SFMBT2: variants seen among roughly 807,000 people sequenced by gnomAD.
The protein encoded by SFMBT2 is Scm like with four mbt domains 2.
Under a neutral mutation model 110.1 loss-of-function variants are expected in SFMBT2, and 38 were observed. The observed-to-expected ratio is 0.35, with a 90% CI of 0.27 to 0.45. The LOEUF (loss-of-function observed/expected upper bound fraction) is 0.45, where lower values mean the gene tolerates loss of function less well. Among genes scored for constraint, SFMBT2 ranks in the 20% least tolerant of loss-of-function variants. The pLI, the probability that SFMBT2 is intolerant of heterozygous loss-of-function variation, is 1.00. For synonymous variants in SFMBT2, 425 were observed against 425.4 expected (o/e 1.00, Z 0.01); for missense variants, 1,011 against 1,094.9 (o/e 0.92, Z 1.08).
At chr10:7,223,369 T>C (rs1304139535) in intron 10 of SFMBT2, among the ~76,000 whole-genome samples, 1 of 152,216 alleles carries the variant, frequency 6.6e-6, no homozygotes, top group Non-Finnish European at 1.5e-5. Context: ...TTAGCTTGCA[T>C]TTGCCCTGCT....
Position 7,172,225 on chromosome 10 carries a change from C to G in SFMBT2, c.2152-67G>C, listed in dbSNP as rs1837902177. 6.7e-7 allele frequency: 1 copy of G among 1,500,042 alleles called. No homozygotes were observed. Among genetic ancestry groups the G allele is most frequent in the Non-Finnish European group, 8.9e-7 (1 of 1,125,864 alleles). The allele number at this position is 1,500,042 out of a possible 1,614,324, so 92.9% of individuals were successfully genotyped here. ...GGGCCTGTAGCGGTGGCCCCGCGGT[C>G]AGACCCTGGGCCCAGTGCAGACCAC... On this transcript the variant is annotated intron_variant, in intron 18 of 20. Coordinates refer to ENST00000397167, the MANE Select transcript of SFMBT2 (RefSeq NM_001387889.1). The surrounding 1 kb of genome is among the most constrained non-coding windows in gnomAD (Gnocchi z 4.6).
intron 4 of SFMBT2, among the ~76,000 whole-genome samples, chr10:7,333,041 A>G (rs1359840818): frequency 6.6e-6 from 1 of 151,932 alleles, no homozygotes; most frequent in Non-Finnish European, 1.5e-5. Flanking sequence ...TAATTTTTGT[A>G]CTTTTAGTAG....
chr10:7,172,120 G>A lies in SFMBT2; in HGVS notation c.2190C>T (p.Asp730=). 2 of 1,584,272 alleles carry A rather than the reference G, an allele frequency of 1.3e-6. No homozygotes were observed. The highest frequency in any genetic ancestry group is 1.7e-6 in the Non-Finnish European group (2 of 1,164,160). The change falls in exon 19 of 21, where the codon GAC becomes GAT. Residue 730 remains aspartate (D), a synonymous_variant. Coordinates refer to ENST00000397167, the MANE Select transcript of SFMBT2 (RefSeq NM_001387889.1). The surrounding 1 kb of genome is among the most constrained non-coding windows in gnomAD (Gnocchi z 4.6). Reference sequence around the variant, plus strand: ...CGGAGCCGGTCTCCTCACTGGCGGTGTCATCGTCCATGGCGTCAGCGTCCT... The same window carrying A: ...CGGAGCCGGTCTCCTCACTGGCGGTATCATCGTCCATGGCGTCAGCGTCCT... ...EEEDADAMDD[D]TASEETGSEL...
At position 7,210,564 on chromosome 10, in the gene SFMBT2, G is replaced by T. The variant is rs114024089; in HGVS notation, c.1331-4636C>A. Among the ~76,000 whole-genome samples, 724 of 152,354 alleles carry T rather than the reference G, an allele frequency of 4.8e-3. 5 individuals carry two copies. Among genetic ancestry groups the T allele is most frequent in the African/African-American group, 0.016 (655 of 41,582 alleles). ...GGAAAAGAAGTATTTAAGGGAATGT[G>T]TTAACCTTGCCTAATAAATGTCCCC... is the stretch of plus-strand genomic sequence containing the variant. On this transcript the variant is annotated intron_variant, in intron 11 of 20. Coordinates refer to ENST00000397167, the MANE Select transcript of SFMBT2 (RefSeq NM_001387889.1).
At chr10:7,277,042 G>T (rs923003903) in intron 6 of SFMBT2, 53 bp from the exon 7 acceptor site, 70 of 821,534 alleles carry the variant, frequency 8.5e-5, no homozygotes, top group Admixed American at 4.1e-4. Flanking sequence ...GTTCTGCCGG[G>T]TGACTCTTTC....
intron 7 of SFMBT2, among the ~76,000 whole-genome samples, chr10:7,256,738 C>T (rs1841019640): frequency 6.6e-6 from 1 of 152,116 alleles, no homozygotes; most frequent in Non-Finnish European, 1.5e-5. Context: ...TGGCTGGCTG[C>T]AAAGTCCACA....
At chr10:7,207,335 A>G (rs1365718887) in intron 11 of SFMBT2, among the ~76,000 whole-genome samples, 1 of 151,490 alleles carries the variant, frequency 6.6e-6, no homozygotes, top group Admixed American at 6.6e-5. Context: ...ACTCTGGCCT[A>G]AGTGACAGAG....
At chr10:7,273,780 A>C (rs1244866101) in intron 7 of SFMBT2, among the ~76,000 whole-genome samples, 1 of 152,150 alleles carries the variant, frequency 6.6e-6, no homozygotes, top group Non-Finnish European at 1.5e-5. Flanking sequence ...TCCATGTCCC[A>C]ATGTGCTGGA....
intron 4 of SFMBT2, among the ~76,000 whole-genome samples, chr10:7,325,454 T>C (rs1375366677): frequency 2.0e-5 from 3 of 152,220 alleles, no homozygotes; most frequent in African/African-American, 7.2e-5. Flanking sequence ...TGCTTAGTCA[T>C]CACCTCTGTG....
intron 11 of SFMBT2, among the ~76,000 whole-genome samples, chr10:7,213,745 G>A (rs146154860): frequency 0.022 from 3,326 of 151,358 alleles, 137 homozygotes; most frequent in African/African-American, 0.077. Flanking sequence ...ACTCAGATCC[G>A]TGTGCGAGGC....
chr10:7,321,969 C>T (rs1277437246), intron 4 of SFMBT2, among the ~76,000 whole-genome samples: 1 of 152,184 alleles, frequency 6.6e-6, no homozygotes, highest in Non-Finnish European at 1.5e-5. Flanking sequence ...AATTTGACCT[C>T]TAAATGTATG....
At chr10:7,311,045 C>CAAA (rs201310544) in intron 4 of SFMBT2, among the ~76,000 whole-genome samples, 9 of 96,928 alleles carry the variant, frequency 9.3e-5, no homozygotes, top group African/African-American at 1.2e-4. Flanking sequence ...AACTCCATCT[C>CAAA]AAAAAAAAAA....
chr10:7,300,857 A>C (rs1303986422), intron 4 of SFMBT2, among the ~76,000 whole-genome samples: 1 of 152,274 alleles, frequency 6.6e-6, no homozygotes, highest in Non-Finnish European at 1.5e-5. Context: ...TGCAAACTCC[A>C]AGAGAGCTGC....
chr10:7,256,810 C>T (rs546764749), intron 7 of SFMBT2, among the ~76,000 whole-genome samples: 2 of 152,102 alleles, frequency 1.3e-5, no homozygotes, highest in South Asian at 2.1e-4. Context: ...CTATGATGGA[C>T]GCACAGGAAA....
chr10:7,201,131 C>T (rs866079253), intron 13 of SFMBT2, among the ~76,000 whole-genome samples: 1 of 152,184 alleles, frequency 6.6e-6, no homozygotes, highest in African/African-American at 2.4e-5. Flanking sequence ...ATAGAAACCA[C>T]ATGGTTGAAA....
intron 1 of SFMBT2, among the ~76,000 whole-genome samples, chr10:7,394,120 C>T (rs1332733938): frequency 1.3e-5 from 2 of 152,084 alleles, no homozygotes; most frequent in African/African-American, 4.8e-5. Context: ...CTAACTCAGC[C>T]TCTCAAGTAG....
At chr10:7,254,936 G>A (rs1216392550) in intron 7 of SFMBT2, among the ~76,000 whole-genome samples, 1 of 152,182 alleles carries the variant, frequency 6.6e-6, no homozygotes, top group African/African-American at 2.4e-5. Flanking sequence ...CTAGTCACTT[G>A]ACACTCCTAA....
At chr10:7,345,865 G>A (rs966346838) in intron 4 of SFMBT2, among the ~76,000 whole-genome samples, 3 of 152,118 alleles carry the variant, frequency 2.0e-5, no homozygotes, top group Non-Finnish European at 2.9e-5. Context: ...TCTTCACAGC[G>A]ACACAGACAC....
At chr10:7,242,428 T>C (rs769846999) in intron 9 of SFMBT2, among the ~76,000 whole-genome samples, 3 of 152,290 alleles carry the variant, frequency 2.0e-5, no homozygotes, top group Middle Eastern at 3.4e-3. Context: ...CCTGCGCAAG[T>C]TATATAAACT....
Sources: allele counts gnomAD v4.1 joint callset (sites outside exome capture counted in the v4.1 genomes callset), GRCh38; gene constraint gnomAD v4.1.1; non-coding constraint Gnocchi (gnomAD v3.1); transcripts MANE v1.5; gene names NCBI Gene and HGNC (gene_info 2026-07-23, HGNC 2026-07-21).